The following KAZN variants were observed in gnomAD, a reference collection of about 807,000 sequenced individuals.
The protein encoded by KAZN is kazrin.
A neutral mutation model predicts 87.4 loss-of-function variants in KAZN; 40 were observed. The observed-to-expected ratio is 0.46, with a 90% CI of 0.36 to 0.60. KAZN has a LOEUF of 0.60. KAZN is among the 20% of genes least tolerant of loss of function. KAZN has a pLI of 0.00. For missense variants in KAZN, 898 were observed against 1,073.9 expected, an observed-to-expected ratio of 0.84 and a Z score of 2.29; for synonymous variants, 466 against 458.3, an observed-to-expected ratio of 1.02 and a Z score of -0.22.
intron 2 of KAZN, among the ~76,000 whole-genome samples, chr1:14,344,382 T>C (rs1384309992): frequency 6.6e-6 from 1 of 152,182 alleles, no homozygotes; most frequent in African/African-American, 2.4e-5. Flanking sequence ...TAATTTTATT[T>C]TTATTATATT....
At chr1:14,665,170 C>T (rs1639445898) in intron 1 of KAZN, among the ~76,000 whole-genome samples, 1 of 152,166 alleles carries the variant, frequency 6.6e-6, no homozygotes, top group African/African-American at 2.4e-5. Flanking sequence ...TGTGTCACAC[C>T]ACCAGCATCC....
At chr1:14,710,300 G>A (rs1356416376) in intron 1 of KAZN, among the ~76,000 whole-genome samples, 5 of 152,136 alleles carry the variant, frequency 3.3e-5, no homozygotes, top group Admixed American at 6.5e-5. Context: ...AAGCTGCCCC[G>A]TGCTGGTCTT....
intron 2 of KAZN, among the ~76,000 whole-genome samples, chr1:14,484,486 C>A (rs1485016306): frequency 6.6e-6 from 1 of 152,168 alleles, no homozygotes; most frequent in Non-Finnish European, 1.5e-5. Context: ...TTTTTAAAGA[C>A]AATATTCTGT....
intron 1 of KAZN, among the ~76,000 whole-genome samples, chr1:14,033,322 C>A (rs1383305038): frequency 6.6e-6 from 1 of 152,264 alleles, no homozygotes; most frequent in African/African-American, 2.4e-5. Flanking sequence ...AGAGGTGACA[C>A]TAGAAATAGA....
chr1:14,491,965 G>C (rs549794472), intron 2 of KAZN, among the ~76,000 whole-genome samples: 1 of 151,946 alleles, frequency 6.6e-6, no homozygotes, highest in Non-Finnish European at 1.5e-5. Flanking sequence ...TCAGTGTCTC[G>C]AGCAGTAAGA....
At chr1:14,046,649 T>A (rs954288953) in intron 1 of KAZN, among the ~76,000 whole-genome samples, 7 of 152,186 alleles carry the variant, frequency 4.6e-5, no homozygotes, top group African/African-American at 1.7e-4. Context: ...CTCATGACCC[T>A]GAATGGTGGG....
intron 1 of KAZN, among the ~76,000 whole-genome samples, chr1:14,072,087 T>C (rs1056991366): frequency 5.3e-5 from 8 of 152,174 alleles, no homozygotes; most frequent in African/African-American, 1.9e-4. Context: ...TAATTTGATC[T>C]CTTCATGCCT....
Position 14,590,441 on chromosome 1 carries a change from G to C in KAZN, c.250-8542G>C, listed in dbSNP as rs148673924. On this transcript the variant is annotated intron_variant, in intron 2 of 16. Transcript: ENST00000636203. The stretch of plus-strand genomic sequence containing the variant: ...GCAGGGATGACTTCACGTATTAGAG[G>C]GGGAAATGAGAAAGAAACAAAAGGT... Among the ~76,000 whole-genome samples the C allele has an allele frequency of 4.6e-4, 70 of 152,220 alleles. 1 individual carries two copies. The East Asian group carries it at 0.013, about 28-fold the overall frequency.
chr1:14,865,813 C>T (rs1214300577), intron 1 of KAZN, among the ~76,000 whole-genome samples: 1 of 152,144 alleles, frequency 6.6e-6, no homozygotes, highest in African/African-American at 2.4e-5. Flanking sequence ...GGTCTGATGT[C>T]CTGGTAAGAA....
intron 2 of KAZN, among the ~76,000 whole-genome samples, chr1:14,283,297 C>G (rs752478201): frequency 2.0e-5 from 3 of 152,194 alleles, no homozygotes; most frequent in African/African-American, 7.2e-5. Flanking sequence ...CTGCTTGTCA[C>G]AGCAGAAACA....
chr1:14,435,749 C>A (rs1332162094), intron 2 of KAZN, among the ~76,000 whole-genome samples: 1 of 152,002 alleles, frequency 6.6e-6, no homozygotes, highest in Admixed American at 6.5e-5. Flanking sequence ...GATGACAGGG[C>A]CTAACGATAT....
At chr1:14,510,108 G>A (rs895603980) in intron 2 of KAZN, among the ~76,000 whole-genome samples, 8 of 152,200 alleles carry the variant, frequency 5.3e-5, no homozygotes, top group Non-Finnish European at 1.2e-4. Context: ...GACTTGGCCA[G>A]GCACAGTGGC....
At chr1:14,331,771 A>T (rs1001359577) in intron 2 of KAZN, among the ~76,000 whole-genome samples, 1 of 152,160 alleles carries the variant, frequency 6.6e-6, no homozygotes, top group Non-Finnish European at 1.5e-5. Flanking sequence ...TCCCCCTACC[A>T]GGAATAAATA....
chr1:15,027,070 C>CTT (rs71000358), intron 2 of KAZN, among the ~76,000 whole-genome samples: 2,260 of 56,012 alleles, frequency 0.04, 485 homozygotes, highest in African/African-American at 0.054. Context: ...GCCAGTGCTT[C>CTT]TTTTTTTTTT....
intron 1 of KAZN, among the ~76,000 whole-genome samples, chr1:14,665,060 C>T (rs1039809261): frequency 2.0e-5 from 3 of 152,132 alleles, no homozygotes; most frequent in African/African-American, 4.8e-5. Flanking sequence ...GGGACTGGTT[C>T]GATATTTTTA....
chr1:14,975,396 CAGA>C (rs1193371236), intron 2 of KAZN, among the ~76,000 whole-genome samples: 5 of 152,110 alleles, frequency 3.3e-5, no homozygotes, highest in Admixed American at 3.3e-4. Context: ...GATGTTGGAG[CAGA>C]AGGAGAGGCA....
intron 1 of KAZN, among the ~76,000 whole-genome samples, chr1:14,864,582 C>T (rs992621017): frequency 3.9e-5 from 6 of 152,184 alleles, no homozygotes; most frequent in African/African-American, 1.2e-4. Flanking sequence ...AACAAACAAA[C>T]GATGGGCTTT....
chr1:14,772,016 AT>A (rs1306927775), intron 1 of KAZN, among the ~76,000 whole-genome samples: 1 of 152,126 alleles, frequency 6.6e-6, no homozygotes, highest in Non-Finnish European at 1.5e-5. Flanking sequence ...GAAAGAAGAA[AT>A]TGGTGCTCTT....
At chr1:14,475,051 G>C (rs1269565015) in intron 2 of KAZN, among the ~76,000 whole-genome samples, 1 of 152,020 alleles carries the variant, frequency 6.6e-6, no homozygotes, top group Non-Finnish European at 1.5e-5. Flanking sequence ...ATGGATATTG[G>C]ATGGATGGAT....
Sources: gnomAD v4.1 joint callset for allele counts (sites outside exome capture counted in the v4.1 genomes callset) on GRCh38, gnomAD v4.1.1 for gene constraint, MANE v1.5 for transcripts, NCBI Gene and HGNC (gene_info 2026-07-23, HGNC 2026-07-21) for gene names.